The following FLI1 variants were observed in gnomAD, a reference collection of about 807,000 sequenced individuals.
FLI1 encodes Fli-1 proto-oncogene, ETS transcription factor.
Under a neutral mutation model 53.1 loss-of-function variants are expected in FLI1, and 13 were observed. That is an observed-to-expected ratio of 0.24 (90% CI 0.16 to 0.39). The LOEUF is 0.39. Among genes scored for constraint, FLI1 ranks in the 10% least tolerant of loss-of-function variants. The pLI is 1.00. For missense variants in FLI1, 424 were observed against 600.5 expected, an observed-to-expected ratio of 0.71 and a Z score of 3.07; for synonymous variants, 244 against 236.7, an observed-to-expected ratio of 1.03 and a Z score of -0.28.
intron 3 of FLI1, among the ~76,000 whole-genome samples, chr11:128,771,192 A>G (rs1408226412): frequency 6.6e-6 from 1 of 152,242 alleles, no homozygotes; most frequent in Non-Finnish European, 1.5e-5. Flanking sequence ...CATAGCACCC[A>G]CCATCTGAGC....
At chr11:128,786,008 T>C (rs962053523) in intron 5 of FLI1, among the ~76,000 whole-genome samples, 1 of 152,202 alleles carries the variant, frequency 6.6e-6, no homozygotes, top group African/African-American at 2.4e-5. Flanking sequence ...TGTTACATAT[T>C]TTACTAAAAT....
chr11:128,689,680 T>TGGCCCCATCCCAAC (rs1937660471), upstream of FLI1, among the ~76,000 whole-genome samples: 1 of 152,172 alleles, frequency 6.6e-6, no homozygotes, highest in African/African-American at 2.4e-5. Context: ...GAACCCACCT[T>TGGCCCCATCCCAAC]GGCCCCATCC....
At chr11:128,692,214 T>C (rs999809941), upstream of FLI1, 8 of 152,296 alleles carry the variant, frequency 5.3e-5, no homozygotes, top group African/African-American at 7.2e-5. Context: ...GTGGAAACGC[T>C]GAAGGGAGGA....
chr11:128,811,560 G>A lies in FLI1; in HGVS notation c.*572G>A, dbSNP rs968466734. On this transcript the variant is annotated 3_prime_UTR_variant, in exon 9 of 9. Coordinates refer to ENST00000527786, the MANE Select transcript of FLI1 (RefSeq NM_002017.5). The stretch of plus-strand genomic sequence containing the variant: ...GGTTTGTGTGTTTAAGACGCCAAGG[G>A]CATTGCAGAATCCCTCTCAGTGGAC... 4.4e-6 allele frequency: 1 copy of A among 225,626 alleles called. No individual in the cohort carries two copies. The highest frequency in any genetic ancestry group is 8.8e-6 in the Non-Finnish European group (1 of 113,764). The allele number at this position is 225,626 out of a possible 1,614,324, so 14.0% of individuals were successfully genotyped here. A position where few individuals can be genotyped will look rare whatever the true frequency, so the allele number is the denominator to read the frequency against.
chr11:128,768,952 G>A (rs1265348763), intron 3 of FLI1, among the ~76,000 whole-genome samples: 1 of 152,218 alleles, frequency 6.6e-6, no homozygotes, highest in South Asian at 2.1e-4. Flanking sequence ...AGCTGCAGAG[G>A]CCAGTCCTTC....
chr11:128,741,890 G>T (rs925792042), intron 1 of FLI1, among the ~76,000 whole-genome samples: 1 of 152,170 alleles, frequency 6.6e-6, no homozygotes, highest in Non-Finnish European at 1.5e-5. Context: ...GGCTGGGGAA[G>T]CTTGTGCCTG....
chr11:128,744,492 G>T (rs969971372), intron 1 of FLI1, among the ~76,000 whole-genome samples: 5 of 152,160 alleles, frequency 3.3e-5, no homozygotes, highest in African/African-American at 1.2e-4. Flanking sequence ...TATTATTATC[G>T]CTAGTTTTCC....
chr11:128,725,377 G>A (rs142974511), intron 1 of FLI1, among the ~76,000 whole-genome samples: 16 of 152,238 alleles, frequency 1.1e-4, no homozygotes, highest in African/African-American at 2.6e-4. Context: ...GACATAAGGC[G>A]GCCGGCCGGT....
chr11:128,718,175 G>A (rs540639328), intron 1 of FLI1, among the ~76,000 whole-genome samples: 2 of 152,320 alleles, frequency 1.3e-5, no homozygotes, highest in East Asian at 3.9e-4. Flanking sequence ...CTTTATGTTT[G>A]TCATTTGCAA....
chr11:128,750,614 T>G (rs1173265328), intron 1 of FLI1, among the ~76,000 whole-genome samples: 1 of 152,186 alleles, frequency 6.6e-6, no homozygotes, highest in East Asian at 1.9e-4. Context: ...TCTGGAGGCT[T>G]TTCCATCTCG....
intron 1 of FLI1, among the ~76,000 whole-genome samples, chr11:128,738,398 T>C (rs143993567): frequency 6.6e-6 from 1 of 152,332 alleles, no homozygotes; most frequent in Non-Finnish European, 1.5e-5. Flanking sequence ...ACTCAAATGA[T>C]GCAAAGCCCG....
Position 128,716,131 on chromosome 11 carries a change from G to T in FLI1, c.18+21855G>T, listed in dbSNP as rs75435000. Among the ~76,000 whole-genome samples, 34 of 152,328 alleles carry T rather than the reference G, an allele frequency of 2.2e-4. 1 individual carries two copies. The East Asian group carries it at 6.4e-3, about 28-fold the overall frequency. On this transcript the variant is annotated intron_variant, in intron 1 of 8. Transcript: ENST00000527786. ...AGAAATGGAGGCACATTGGCTGGGGGAGTAAAAAGCCTGATTCATACAATG... is the reference window on the plus strand; with the variant it reads ...AGAAATGGAGGCACATTGGCTGGGGTAGTAAAAAGCCTGATTCATACAATG...
At chr11:128,722,685 G>C (rs1373977710) in intron 1 of FLI1, among the ~76,000 whole-genome samples, 1 of 152,232 alleles carries the variant, frequency 6.6e-6, no homozygotes, top group African/African-American at 2.4e-5. Flanking sequence ...AGATGTGGTG[G>C]ATTAATATTG....
intron 1 of FLI1, among the ~76,000 whole-genome samples, chr11:128,697,860 G>A (rs1938153329): frequency 6.6e-6 from 1 of 152,232 alleles, no homozygotes; most frequent in South Asian, 2.1e-4. Flanking sequence ...GTAGACGCTA[G>A]TGGAGGGAGC....
At chr11:128,750,181 C>T (rs528070952) in intron 1 of FLI1, among the ~76,000 whole-genome samples, 4 of 152,298 alleles carry the variant, frequency 2.6e-5, no homozygotes, top group East Asian at 1.9e-4. Flanking sequence ...CTGGGAGCGG[C>T]GGAGTGGGCC....
chr11:128,692,363 G>T (rs1428697000), upstream of FLI1, among the ~76,000 whole-genome samples: 2 of 152,132 alleles, frequency 1.3e-5, no homozygotes, highest in East Asian at 3.9e-4. Context: ...TCCCAGGGGA[G>T]CCCCGGAGCA....
intron 1 of FLI1, among the ~76,000 whole-genome samples, chr11:128,730,858 T>A (rs1015222660): frequency 6.6e-6 from 1 of 152,268 alleles, no homozygotes; most frequent in African/African-American, 2.4e-5. Context: ...CCATTGCCGT[T>A]TCCCATCCTT....
At chr11:128,774,672 A>C (rs138697561) in intron 4 of FLI1, among the ~76,000 whole-genome samples, 6 of 152,324 alleles carry the variant, frequency 3.9e-5, no homozygotes, top group Non-Finnish European at 8.8e-5. Flanking sequence ...CTGTTAGTTA[A>C]AGGGCCCAGT....
intron 2 of FLI1, chr11:128,764,639 C>A (rs1011238309): frequency 6.5e-7 from 1 of 1,531,150 alleles, no homozygotes; most frequent in African/African-American, 1.4e-5. Flanking sequence ...TTTCATCAAG[C>A]CTTCTTCACA....
Sources: gnomAD v4.1 joint callset for allele counts (sites outside exome capture counted in the v4.1 genomes callset) on GRCh38, gnomAD v4.1.1 for gene constraint, MANE v1.5 for transcripts, NCBI Gene and HGNC (gene_info 2026-07-23, HGNC 2026-07-21) for gene names.